The following ACAN variants were observed in gnomAD, a reference collection of about 807,000 sequenced individuals.
ACAN encodes the protein aggrecan core protein.
In ACAN, 47 loss-of-function variants were observed where a neutral mutation model predicts 169.1. The ratio of observed to expected loss-of-function variants is 0.28; its 90% CI spans 0.22 to 0.35. The LOEUF is 0.35. Ranked by LOEUF, ACAN falls within the 10% of genes least tolerant of loss-of-function variation. ACAN has a pLI of 1.00. For missense variants in ACAN, 2,716 were observed against 2,759.9 expected (o/e 0.98, Z 0.36); for synonymous variants, 1,115 against 1,112.2 (o/e 1.00, Z -0.05).
intron 8 of ACAN, 144 bp from the exon 9 acceptor site, chr15:88,847,767 A>G: frequency 9.1e-7 from 1 of 1,101,466 alleles, no homozygotes; most frequent in East Asian, 2.7e-5. Flanking sequence ...CTTGCTGCAT[A>G]AGGGGCTTTT....
At chr15:88,860,518 G>T (rs904395554) in intron 13 of ACAN, 79 bp downstream of exon 13, 1 of 1,291,142 alleles carries the variant, frequency 7.7e-7, no homozygotes, top group Non-Finnish European at 1.1e-6. Flanking sequence ...GTCCCCAGGT[G>T]GGAGGAGGCA....
In ACAN at chr15:88,869,647, G is replaced by T. The variant is rs1035328492; in HGVS notation, c.7060+1318G>T. ...ATTTGGTTCCAGACTGGAAAAGTGG[G>T]CTCTGCTGGAATGGAGGCAGGACCC... On this transcript the variant is annotated intron_variant, in intron 14 of 18. Transcript: ENST00000560601. This position sits in a 1 kb window ranked among gnomAD's most constrained non-coding sequence, Gnocchi z 4.2. Among the ~76,000 whole-genome samples, 2 of 152,188 alleles carry T rather than the reference G, an allele frequency of 1.3e-5. No homozygotes were observed. The highest frequency in any genetic ancestry group is 4.8e-5 in the African/African-American group (2 of 41,442).
chr15:88,831,175 G>A (rs1258353238), intron 1 of ACAN, among the ~76,000 whole-genome samples: 1 of 152,234 alleles, frequency 6.6e-6, no homozygotes, highest in African/African-American at 2.4e-5. Context: ...ATGGACTCTG[G>A]CCGGCTGGTG....
chr15:88,854,982 A>G lies in ACAN; in HGVS notation c.2397A>G (p.Pro799=). ...PSEVPFPSEE[P]SPSEEPFPSV... is the part of the protein sequence containing the mutation. ...AGGTGCCATTCCCCTCAGAGGAGCC[A>G]TCCCCCTCAGAGGAACCATTCCCCT... The change falls in exon 12 of 19, where the codon CCA becomes CCG. Residue 799 remains proline, a synonymous_variant. Transcript: ENST00000560601. 1.3e-6 allele frequency: 2 copies of G among 1,597,940 alleles called. No individual in the cohort carries two copies. Among genetic ancestry groups the G allele is most frequent in the Non-Finnish European group, 1.7e-6 (2 of 1,172,960 alleles).
chr15:88,858,647 C>T lies in ACAN; in HGVS notation c.6062C>T (p.Ala2021Val). The T allele has an allele frequency of 6.2e-7, 1 of 1,613,950 alleles. No individual in the cohort carries two copies. Among genetic ancestry groups the T allele is most frequent in the African/African-American group, 1.3e-5 (1 of 75,050 alleles). Reference protein sequence around the residue: ...TTNVSGESSVAMGTSGEASGL... With the variant: ...TTNVSGESSVVMGTSGEASGL... ...AATGTAAGTGGAGAATCCTCTGTAG[C>T]CATGGGCACCAGTGGAGAGGCCTCA... The change falls in exon 12 of 19, where the codon GCC becomes GTC. Residue 2021 changes from alanine (A) to valine (V), a missense_variant. Around this residue, in one of 3 missense-constraint regions of ACAN, gnomAD observed 1,389 missense variants for 1,363.7 expected, o/e 1.02. Transcript: ENST00000560601. This position sits in a 1 kb window ranked among gnomAD's most constrained non-coding sequence, Gnocchi z 4.0.
rs1191963641 is a variant in ACAN at position 88,814,686 on chromosome 15, T to C, written c.-8+10877T>C. 6.6e-6 allele frequency among the ~76,000 whole-genome samples: 1 copy of C among 152,202 alleles called. No individual in the cohort carries two copies. Among genetic ancestry groups the C allele is most frequent in the Admixed American group, 6.5e-5 (1 of 15,284 alleles). The stretch of plus-strand genomic sequence containing the variant: ...CCAGTGTGCAGCCTTTGCAATTGAT[T>C]GTACCCGACTCCTTCAACCCTTCTC... On this transcript the variant is annotated intron_variant, in intron 1 of 18. Transcript: ENST00000560601. This position sits in a 1 kb window ranked among gnomAD's most constrained non-coding sequence, Gnocchi z 4.0.
intron 1 of ACAN, among the ~76,000 whole-genome samples, chr15:88,823,084 G>T (rs1896119637): frequency 6.6e-6 from 1 of 152,130 alleles, no homozygotes; most frequent in Non-Finnish European, 1.5e-5. Context: ...ATTAAACCTG[G>T]GCTCAATTTC....
chr15:88,823,695 G>A (rs554691579), intron 1 of ACAN, among the ~76,000 whole-genome samples: 2 of 152,152 alleles, frequency 1.3e-5, no homozygotes, highest in East Asian at 3.9e-4. Context: ...CTTCCTTTCC[G>A]GTACCTGGAC....
At position 88,858,277 on chromosome 15, in the gene ACAN, C is replaced by G; in HGVS notation, c.5692C>G (p.Pro1898Ala). Reference sequence around the variant, plus strand: ...CCAGACTCCGGAATTCAGTGGCCTACCAAGTGGCATAGCTGAGGTCAGTGG... The same window carrying G: ...CCAGACTCCGGAATTCAGTGGCCTAGCAAGTGGCATAGCTGAGGTCAGTGG... ...TSQTPEFSGL[P>A]SGIAEVSGES... is the part of the protein sequence containing the mutation. The change falls in exon 12 of 19, where the codon CCA becomes GCA. Residue 1898 changes from proline to alanine, a missense_variant. By Grantham distance (27) the Pro-to-Ala change is conservative. Coordinates refer to ENST00000560601, the MANE Select transcript of ACAN (RefSeq NM_001369268.1). The surrounding 1 kb of genome is among the most constrained non-coding windows in gnomAD (Gnocchi z 4.0). 1 of 1,613,900 alleles carries G rather than the reference C, an allele frequency of 6.2e-7. No individual in the cohort carries two copies. Among genetic ancestry groups the G allele is most frequent in the Non-Finnish European group, 8.5e-7 (1 of 1,179,878 alleles).
At chr15:88,805,812 T>G in intron 1 of ACAN, among the ~76,000 whole-genome samples, 1 of 152,196 alleles carries the variant, frequency 6.6e-6, no homozygotes, top group East Asian at 1.9e-4. Context: ...AATATTTTGT[T>G]TAATGTTCGG....
intron 1 of ACAN, among the ~76,000 whole-genome samples, chr15:88,817,365 C>T (rs1444944446): frequency 2.0e-5 from 3 of 152,052 alleles, no homozygotes; most frequent in Non-Finnish European, 4.4e-5. Context: ...AATGGTCTTG[C>T]TCTCCTGACC....
intron 1 of ACAN, among the ~76,000 whole-genome samples, chr15:88,831,999 T>C (rs1198976625): frequency 8.5e-5 from 13 of 152,050 alleles, no homozygotes; most frequent in Non-Finnish European, 1.8e-4. Flanking sequence ...TGGATGTAAA[T>C]TATAATGTGG....
chr15:88,857,333 C>G lies in ACAN; in HGVS notation c.4748C>G (p.Ala1583Gly), dbSNP rs1438249197. 8 of 1,613,702 alleles carry G rather than the reference C, an allele frequency of 5.0e-6. No individual in the cohort carries two copies. The highest frequency in any genetic ancestry group is 6.8e-6 in the Non-Finnish European group (8 of 1,179,882). ...GGTCTAGAGACTTCAGCTTCTGGAG[C>G]TGAGGACCTCAGTGGGTTGCCTTCT... The part of the protein sequence containing the change: ...REGLETSASG[A>G]EDLSGLPSGK... The change falls in exon 12 of 19, where the codon GCT (alanine) becomes GGT (glycine). Residue 1583 changes from alanine (A) to glycine (G), a missense_variant. Physicochemically the swap from Ala to Gly is moderately conservative, Grantham distance 60. This residue lies in a region of ACAN where 1,389 missense variants were observed against 1,363.7 expected (regional missense o/e 1.02). Transcript: ENST00000560601.
rs764368613 is a variant in ACAN at position 88,839,027 on chromosome 15, C to T, written c.435C>T (p.Thr145=). 1 of 1,604,600 alleles carries T rather than the reference C, an allele frequency of 6.2e-7. No homozygotes were observed. Among genetic ancestry groups the T allele is most frequent in the Non-Finnish European group, 8.5e-7 (1 of 1,179,736 alleles). ...ATGGCATCGAGGACAGCGAGGCCAC[C>T]CTGGAAGTCGTGGTGAAAGGTGAGA... ...VMHGIEDSEA[T]LEVVVKGIVF... Residue 145 remains threonine (T), a synonymous_variant, in exon 3 of 19, where the codon ACC becomes ACT. Transcript: ENST00000560601. The surrounding 1 kb of genome is among the most constrained non-coding windows in gnomAD (Gnocchi z 4.5).
chr15:88,865,954 G>C (rs1462932331), intron 13 of ACAN, among the ~76,000 whole-genome samples: 1 of 152,098 alleles, frequency 6.6e-6, no homozygotes, highest in Non-Finnish European at 1.5e-5. Context: ...CAGGTTTTCT[G>C]ACTTTCAGGA....
chr15:88,857,759 T>G lies in ACAN; in HGVS notation c.5174T>G (p.Val1725Gly). The change falls in exon 12 of 19, where the codon GTC becomes GGC. Residue 1725 changes from valine to glycine, a missense_variant. By Grantham distance (109) the Val-to-Gly change is moderately radical (BLOSUM62 -3). Around this residue, in one of 3 missense-constraint regions of ACAN, gnomAD observed 1,389 missense variants for 1,363.7 expected, o/e 1.02. Transcript: ENST00000560601. ...LSGQASGSPD[V>G]SGEIPGLFGV... is the part of the protein sequence containing the mutation. ...GGCCAAGCATCTGGGTCTCCTGATG[T>G]CAGTGGGGAAATACCTGGACTCTTT... 1 of 1,613,932 alleles carries G rather than the reference T, an allele frequency of 6.2e-7. No individual in the cohort carries two copies. The highest frequency in any genetic ancestry group is 1.1e-5 in the South Asian group (1 of 91,076).
At position 88,869,430 on chromosome 15, in the gene ACAN, G is replaced by A. The variant is rs931117298; in HGVS notation, c.7060+1101G>A. 6.6e-6 allele frequency among the ~76,000 whole-genome samples: 1 copy of A among 151,840 alleles called. No individual in the cohort carries two copies. The highest frequency in any genetic ancestry group is 1.5e-5 in the Non-Finnish European group (1 of 67,944). ...CTGGTAGAGGAACTTAAGACTTTTG[G>A]GAAAAAAAAGGCCTGGACACTCCTA... is the stretch of plus-strand genomic sequence containing the variant. On this transcript the variant is annotated intron_variant, in intron 14 of 18. Coordinates refer to ENST00000560601, the MANE Select transcript of ACAN (RefSeq NM_001369268.1). The surrounding 1 kb of genome is among the most constrained non-coding windows in gnomAD (Gnocchi z 4.2).
At chr15:88,829,098 G>C (rs1056647645) in intron 1 of ACAN, among the ~76,000 whole-genome samples, 1 of 135,838 alleles carries the variant, frequency 7.4e-6, no homozygotes, top group Non-Finnish European at 1.6e-5. Flanking sequence ...CCGGAATGGA[G>C]AAAAACACAT....
chr15:88,813,796 G>A (rs1318390539), intron 1 of ACAN, among the ~76,000 whole-genome samples: 2 of 152,150 alleles, frequency 1.3e-5, no homozygotes, highest in Admixed American at 1.3e-4. Context: ...CTCAGCCTTC[G>A]TGACTTTGTA....
Sources: gnomAD v4.1 joint callset for allele counts (sites outside exome capture counted in the v4.1 genomes callset) on GRCh38, gnomAD v4.1.1 for gene constraint, gnomAD v4.1.1 regional missense constraint, Gnocchi (gnomAD v3.1) non-coding constraint, MANE v1.5 for transcripts, NCBI Gene and HGNC (gene_info 2026-07-23, HGNC 2026-07-21) for gene names.